The following CSMD1 variants were observed in gnomAD, a reference collection of about 807,000 sequenced individuals.
The protein encoded by CSMD1 is CUB and Sushi multiple domains 1, also known as CUB and sushi domain-containing protein 1.
A neutral mutation model predicts 417.5 loss-of-function variants in CSMD1; 213 were observed. The ratio of observed to expected loss-of-function variants is 0.51; its 90% CI spans 0.46 to 0.57. The LOEUF is 0.57. Ranked by LOEUF, CSMD1 falls within the 20% of genes least tolerant of loss-of-function variation. The probability of loss-of-function intolerance (pLI) is 0.00; values close to 1 mark genes in which losing one functional copy is unlikely to be tolerated. For synonymous variants in CSMD1, 2,862 were observed against 1,736.8 expected, an observed-to-expected ratio of 1.65 and a Z score of -16.11; for missense variants, 6,923 against 4,529.7, an observed-to-expected ratio of 1.53 and a Z score of -15.17.
chr8:4,858,600 A>T (rs976992791), intron 1 of CSMD1, among the ~76,000 whole-genome samples: 1 of 152,140 alleles, frequency 6.6e-6, no homozygotes, highest in Admixed American at 6.5e-5. Flanking sequence ...CAAAAATCAC[A>T]AGCATTCTTA....
At chr8:3,702,516 G>C (rs9987389) in intron 7 of CSMD1, among the ~76,000 whole-genome samples, 6 of 152,226 alleles carry the variant, frequency 3.9e-5, no homozygotes, top group South Asian at 2.1e-4. Context: ...AGAAATGACA[G>C]GTACTGTTAC....
At chr8:4,488,110 G>A (rs928282997) in intron 2 of CSMD1, among the ~76,000 whole-genome samples, 1 of 152,186 alleles carries the variant, frequency 6.6e-6, no homozygotes, top group Non-Finnish European at 1.5e-5. Context: ...CTATAAATAA[G>A]AAAGCAGGGT....
At chr8:3,783,106 A>G (rs938988380) in intron 5 of CSMD1, among the ~76,000 whole-genome samples, 3 of 152,008 alleles carry the variant, frequency 2.0e-5, no homozygotes, top group African/African-American at 7.2e-5. Context: ...AGCCTCCACC[A>G]TCCTCCCTTC....
At chr8:4,987,059 C>T (rs962386059) in intron 1 of CSMD1, among the ~76,000 whole-genome samples, 1 of 152,114 alleles carries the variant, frequency 6.6e-6, no homozygotes, top group Non-Finnish European at 1.5e-5. Flanking sequence ...TTTTTACTAT[C>T]TCAAAGTTAG....
At chr8:4,718,554 A>G (rs1483238462) in intron 1 of CSMD1, among the ~76,000 whole-genome samples, 1 of 152,112 alleles carries the variant, frequency 6.6e-6, no homozygotes, top group Non-Finnish European at 1.5e-5. Context: ...ATTTGAAAAA[A>G]GAAAGAAAAA....
chr8:3,633,630 A>C lies in CSMD1; in HGVS notation c.1010-16833T>G, dbSNP rs181434769. Among the ~76,000 whole-genome samples, 459 of 152,354 alleles carry C rather than the reference A, an allele frequency of 3.0e-3. 1 individual carries two copies. The highest frequency in any genetic ancestry group is 0.011 in the African/African-American group (438 of 41,590). Reference sequence around the variant, plus strand: ...GGATAAATTAATATTTCCTAATTTAAAAAATGTTAATGACATATTTTTCAA... The same window carrying C: ...GGATAAATTAATATTTCCTAATTTACAAAATGTTAATGACATATTTTTCAA... On this transcript the variant is annotated intron_variant, in intron 7 of 69. Coordinates refer to ENST00000635120, the MANE Select transcript of CSMD1 (RefSeq NM_033225.6).
At chr8:4,455,817 G>C (rs952912166) in intron 2 of CSMD1, among the ~76,000 whole-genome samples, 3 of 150,404 alleles carry the variant, frequency 2.0e-5, no homozygotes, top group African/African-American at 7.3e-5. Context: ...TGGAATCCCA[G>C]CTACTCAGGA....
chr8:3,701,570 T>A (rs887805850), intron 7 of CSMD1, among the ~76,000 whole-genome samples: 1 of 152,162 alleles, frequency 6.6e-6, no homozygotes, highest in Admixed American at 6.5e-5. Context: ...CACTAGTGTA[T>A]TTTATTTGTT....
chr8:3,535,948 T>C (rs1396921907), intron 10 of CSMD1, among the ~76,000 whole-genome samples: 1 of 152,038 alleles, frequency 6.6e-6, no homozygotes, highest in African/African-American at 2.4e-5. Context: ...CCCCCACCAG[T>C]CGGTTACAGT....
chr8:3,684,095 A>G (rs543913155), intron 7 of CSMD1, among the ~76,000 whole-genome samples: 10 of 146,814 alleles, frequency 6.8e-5, no homozygotes, highest in African/African-American at 2.5e-4. Context: ...CTTTAAATGT[A>G]TAGATATTAT....
intron 10 of CSMD1, among the ~76,000 whole-genome samples, chr8:3,573,504 G>T (rs1412965031): frequency 1.3e-5 from 2 of 152,168 alleles, no homozygotes; most frequent in African/African-American, 2.4e-5. Context: ...GTTTCAGAAA[G>T]CCTGCAACGC....
intron 3 of CSMD1, among the ~76,000 whole-genome samples, chr8:4,391,553 G>C (rs76706818): frequency 3.9e-5 from 6 of 151,992 alleles, no homozygotes; most frequent in East Asian, 3.9e-4. Context: ...CTCAGAGTAG[G>C]TAAGACTTGG....
At chr8:4,146,054 G>T (rs1234050641) in intron 3 of CSMD1, among the ~76,000 whole-genome samples, 1 of 150,730 alleles carries the variant, frequency 6.6e-6, no homozygotes, top group South Asian at 2.1e-4. Context: ...TAGCAACATT[G>T]CAGACACTTG....
In CSMD1 at chr8:2,942,570, A is replaced by C; in HGVS notation, c.10437T>G (p.His3479Gln). Residue 3479 changes from histidine to glutamine, a missense_variant, in exon 69 of 70, where the codon CAT (histidine) becomes CAG (glutamine). By Grantham distance (24) the His-to-Gln change is conservative (BLOSUM62 0). Coordinates refer to ENST00000635120, the MANE Select transcript of CSMD1 (RefSeq NM_033225.6). The stretch of plus-strand genomic sequence containing the variant: ...CAGAGCCACTGCTGGTGCCGTGGTA[A>C]TGACTGGAAGAGTCTTGATCTGGGT... ...PLNPDQDSSS[H>Q]YHGTSSGSVA... The C allele has an allele frequency of 6.2e-7, 1 of 1,604,014 alleles. No individual in the cohort carries two copies. The highest frequency in any genetic ancestry group is 8.5e-7 in the Non-Finnish European group (1 of 1,174,502).
chr8:4,973,281 C>G (rs1406776071), intron 1 of CSMD1, among the ~76,000 whole-genome samples: 1 of 152,076 alleles, frequency 6.6e-6, no homozygotes, highest in Non-Finnish European at 1.5e-5. Context: ...ATCTCATTCG[C>G]TTTAGGTACA....
At chr8:3,039,259 A>T (rs1161789729) in intron 50 of CSMD1, among the ~76,000 whole-genome samples, 1 of 132,690 alleles carries the variant, frequency 7.5e-6, no homozygotes, top group Non-Finnish European at 1.5e-5. Context: ...CGTGCCTGAA[A>T]CCATTTCTTG....
At chr8:4,037,907 C>G (rs978092206) in intron 3 of CSMD1, among the ~76,000 whole-genome samples, 1 of 151,888 alleles carries the variant, frequency 6.6e-6, no homozygotes, top group African/African-American at 2.4e-5. Context: ...AGCTCATAAG[C>G]TTAGTGGGAA....
At chr8:3,338,663 AGTGCACTTCTGCAGGGT>A (rs1304973269) in intron 23 of CSMD1, among the ~76,000 whole-genome samples, 1 of 152,152 alleles carries the variant, frequency 6.6e-6, no homozygotes, top group Non-Finnish European at 1.5e-5. Context: ...AGGGCTGGCC[AGTGCACTTCTGCAGGGT>A]GCATCCTGAG....
At chr8:3,847,663 A>T (rs2954212) in intron 5 of CSMD1, among the ~76,000 whole-genome samples, 1 of 151,872 alleles carries the variant, frequency 6.6e-6, no homozygotes, top group South Asian at 2.1e-4. Flanking sequence ...CAGCTGCTGC[A>T]TTTCTGGTCA....
Sources: allele counts gnomAD v4.1 joint callset (sites outside exome capture counted in the v4.1 genomes callset), GRCh38; gene constraint gnomAD v4.1.1; transcripts MANE v1.5; gene names NCBI Gene and HGNC (gene_info 2026-07-23, HGNC 2026-07-21).